MDGA2: variants seen among roughly 807,000 people sequenced by gnomAD.
The protein encoded by MDGA2 is MAM domain-containing glycosylphosphatidylinositol anchor protein 2.
A neutral mutation model predicts 117.8 loss-of-function variants in MDGA2; 40 were observed. The ratio of observed to expected loss-of-function variants is 0.34; its 90% CI spans 0.26 to 0.44. The LOEUF (loss-of-function observed/expected upper bound fraction) is 0.44, where lower values mean the gene tolerates loss of function less well. Ranked by LOEUF, MDGA2 falls within the 20% of genes least tolerant of loss-of-function variation. The probability of loss-of-function intolerance (pLI) is 1.00; values close to 1 mark genes in which losing one functional copy is unlikely to be tolerated. For missense variants in MDGA2, 1,123 were observed against 1,250.6 expected (o/e 0.90, Z 1.54); for synonymous variants, 452 against 439.0 (o/e 1.03, Z -0.37).
chr14:46,880,803 C>CAAAAAAAAAAAAAAAAAAAAAAAAAAAA (rs568224124), intron 11 of MDGA2, among the ~76,000 whole-genome samples: 1 of 54,086 alleles, frequency 1.8e-5, no homozygotes, highest in African/African-American at 6.9e-5. Context: ...ATCCCGTCTC[C>CAAAAAAAAAAAAAAAAAAAAAAAAAAAA]AAAAAAAAAA....
At chr14:47,426,639 ATC>A (rs902778675) in intron 1 of MDGA2, among the ~76,000 whole-genome samples, 18 of 149,636 alleles carry the variant, frequency 1.2e-4, no homozygotes, top group African/African-American at 4.4e-4. Context: ...TTGAAAAAGC[ATC>A]TCTGTGTGTG....
chr14:46,851,788 A>G (rs1594994061), intron 15 of MDGA2, among the ~76,000 whole-genome samples: 2 of 151,734 alleles, frequency 1.3e-5, no homozygotes, highest in East Asian at 3.9e-4. Flanking sequence ...AACCTCTCAA[A>G]CCTTAATTTA....
intron 3 of MDGA2, among the ~76,000 whole-genome samples, chr14:47,145,961 G>C (rs1882926985): frequency 1.3e-5 from 2 of 151,974 alleles, no homozygotes; most frequent in South Asian, 4.1e-4. Context: ...CTTGCCCATT[G>C]TCCAGACTAT....
chr14:47,211,919 GAATTA>G (rs901077755), intron 3 of MDGA2, among the ~76,000 whole-genome samples: 34 of 152,230 alleles, frequency 2.2e-4, no homozygotes, highest in Admixed American at 7.2e-4. Flanking sequence ...CCATTTAAAT[GAATTA>G]AATTGTCACT....
chr14:47,583,307 A>T (rs2138844225), intron 1 of MDGA2, among the ~76,000 whole-genome samples: 1 of 151,980 alleles, frequency 6.6e-6, no homozygotes, highest in South Asian at 2.1e-4. Flanking sequence ...ATTAAAGCTG[A>T]GCTCTGAATG....
intron 5 of MDGA2, among the ~76,000 whole-genome samples, chr14:47,098,261 G>GAAAA (rs71112482): frequency 2.2e-5 from 2 of 89,318 alleles, no homozygotes; most frequent in Non-Finnish European, 4.5e-5. Context: ...TGCCGTGTTT[G>GAAAA]AAAAAAAAAA....
rs909502547 is a variant in MDGA2, at chr14:47,246,787, T to C, written c.421-28592A>G. 2.2e-5 allele frequency among the ~76,000 whole-genome samples: 3 copies of C among 133,782 alleles called. 1 individual carries two copies. The highest frequency in any genetic ancestry group is 4.8e-5 in the Non-Finnish European group (3 of 61,908). The allele number at this position is 133,782 out of a possible 152,430, so 87.8% of individuals were successfully genotyped here. A position where few individuals can be genotyped will look rare whatever the true frequency, so the allele number is the denominator to read the frequency against. On this transcript the variant is annotated intron_variant, in intron 2 of 16. Transcript: ENST00000399232. ...GGAAAGAACAAAAACCCATTAATTC[T>C]GAAGCAGGTAATGAAACACACACAC... is the stretch of plus-strand genomic sequence containing the variant.
chr14:46,933,974 A>G (rs1884686210), intron 9 of MDGA2, among the ~76,000 whole-genome samples: 3 of 151,318 alleles, frequency 2.0e-5, no homozygotes, highest in Non-Finnish European at 4.4e-5. Flanking sequence ...GATGAAAAAT[A>G]TGAGTAATAC....
At chr14:47,659,691 C>T (rs1822896833) in intron 1 of MDGA2, among the ~76,000 whole-genome samples, 1 of 152,094 alleles carries the variant, frequency 6.6e-6, no homozygotes, top group African/African-American at 2.4e-5. Context: ...ATAGAGCATG[C>T]ATCTAATATA....
chr14:47,213,526 CTGTT>C (rs1199114806), intron 3 of MDGA2, among the ~76,000 whole-genome samples: 5 of 152,010 alleles, frequency 3.3e-5, no homozygotes, highest in Admixed American at 6.6e-5. Context: ...GTCATTTTGA[CTGTT>C]TGGAACTCTT....
chr14:46,988,142 G>A lies in MDGA2; in HGVS notation c.1820-30499C>T, dbSNP rs151258488. Among the ~76,000 whole-genome samples, 1,174 of 151,886 alleles carry A rather than the reference G, an allele frequency of 7.7e-3. 12 individuals are homozygous for A. Among genetic ancestry groups the A allele is most frequent in the Middle Eastern group, 0.024 (7 of 294 alleles). On this transcript the variant is annotated intron_variant, in intron 8 of 16. Coordinates refer to ENST00000399232, the MANE Select transcript of MDGA2 (RefSeq NM_001113498.3). ...AGTGCCATATATGAATGTATGAGAA[G>A]GGTTGTATTTTTTTTTCTTCTCTCT...
intron 1 of MDGA2, among the ~76,000 whole-genome samples, chr14:47,647,874 T>G (rs1177319730): frequency 1.3e-5 from 2 of 152,162 alleles, no homozygotes; most frequent in East Asian, 3.8e-4. Flanking sequence ...TAGATCCATT[T>G]TTGAAAAGAC....
intron 1 of MDGA2, among the ~76,000 whole-genome samples, chr14:47,463,310 G>A (rs568017544): frequency 5.3e-5 from 8 of 152,186 alleles, no homozygotes; most frequent in East Asian, 1.9e-4. Context: ...CAAACATATA[G>A]TGCAATGATG....
At chr14:47,451,140 A>G (rs1363177559) in intron 1 of MDGA2, among the ~76,000 whole-genome samples, 1 of 152,108 alleles carries the variant, frequency 6.6e-6, no homozygotes, top group Admixed American at 6.6e-5. Flanking sequence ...TACTACCTGT[A>G]GGTTTTAAAG....
At chr14:46,874,792 A>G (rs1023718753) in intron 12 of MDGA2, among the ~76,000 whole-genome samples, 13 of 151,840 alleles carry the variant, frequency 8.6e-5, no homozygotes, top group African/African-American at 2.9e-4. Flanking sequence ...TGAAGTAATT[A>G]AAAGACCTTT....
chr14:46,874,085 A>C lies in MDGA2; in HGVS notation c.2553T>G (p.Pro851=). 6.4e-7 allele frequency: 1 copy of C among 1,560,952 alleles called. No individual in the cohort carries two copies. The highest frequency in any genetic ancestry group is 8.7e-7 in the Non-Finnish European group (1 of 1,155,946). The change falls in exon 13 of 17, where the codon CCT becomes CCG. Residue 851 remains proline, a synonymous_variant. Coordinates refer to ENST00000399232, the MANE Select transcript of MDGA2 (RefSeq NM_001113498.3). ...STATRNTKYT[P]NTGPNADRSG... ...TACGGTCAGCATTAGGTCCTGTATT[A>C]GGAGTATATTTTGTATTTCTTGTTG...
intron 1 of MDGA2, among the ~76,000 whole-genome samples, chr14:47,481,518 T>C (rs1893954081): frequency 6.6e-6 from 1 of 152,006 alleles, no homozygotes; most frequent in African/African-American, 2.4e-5. Flanking sequence ...TTGATACAGA[T>C]TTAAAGTAGC....
intron 2 of MDGA2, among the ~76,000 whole-genome samples, chr14:47,249,712 T>A (rs1441827527): frequency 6.6e-6 from 1 of 151,814 alleles, no homozygotes; most frequent in Non-Finnish European, 1.5e-5. Context: ...TAGGCTACAT[T>A]TTTTTTTAGA....
At chr14:47,238,984 G>A (rs574246491) in intron 2 of MDGA2, among the ~76,000 whole-genome samples, 6 of 151,540 alleles carry the variant, frequency 4.0e-5, no homozygotes, top group South Asian at 2.1e-4. Flanking sequence ...AATTGTGATC[G>A]GCTCTGCAAG....
Sources: allele counts gnomAD v4.1 joint callset (sites outside exome capture counted in the v4.1 genomes callset), GRCh38; gene constraint gnomAD v4.1.1; transcripts MANE v1.5; gene names NCBI Gene and HGNC (gene_info 2026-07-23, HGNC 2026-07-21).